TAFA5: variants seen among roughly 807,000 people sequenced by gnomAD.
TAFA5 encodes the protein TAFA chemokine like family member 5.
TAFA5 carries 6 observed loss-of-function variants against 15.3 expected under a neutral mutation model. That is an observed-to-expected ratio of 0.39 (90% confidence interval 0.21 to 0.77). TAFA5 has a LOEUF of 0.77. Ranked by LOEUF, TAFA5 falls within the 30% of genes least tolerant of loss-of-function variation. The pLI is 0.41. For missense variants in TAFA5, 161 were observed against 193.1 expected, an observed-to-expected ratio of 0.83 and a Z score of 0.98; for synonymous variants, 103 against 80.7, an observed-to-expected ratio of 1.28 and a Z score of -1.48.
intron 1 of TAFA5, among the ~76,000 whole-genome samples, chr22:48,586,314 G>A (rs187328495): frequency 2.0e-4 from 30 of 152,382 alleles, no homozygotes; most frequent in African/African-American, 5.3e-4. Context: ...TGCATCACCC[G>A]TCTTGCAGGT....
chr22:48,563,741 C>T (rs1004247902), intron 1 of TAFA5, among the ~76,000 whole-genome samples: 21 of 152,322 alleles, frequency 1.4e-4, no homozygotes, highest in Admixed American at 3.9e-4. Context: ...ATCGGGAGCT[C>T]GGGCTCCTGG....
chr22:48,721,909 G>A (rs562755856), intron 3 of TAFA5, among the ~76,000 whole-genome samples: 17 of 152,236 alleles, frequency 1.1e-4, no homozygotes, highest in East Asian at 7.7e-4. Flanking sequence ...CCTAGGAGGC[G>A]GAGGCTGCAG....
intron 1 of TAFA5, among the ~76,000 whole-genome samples, chr22:48,645,955 C>T (rs937159456): frequency 2.7e-5 from 4 of 150,252 alleles, no homozygotes; most frequent in Admixed American, 6.7e-5. Context: ...CGTACATGCA[C>T]ATATGTGTGT....
rs549701882 is a variant in TAFA5 at position 48,645,813 on chromosome 22, G to GGA, written c.113-784_113-783insGA. ...GTCCTCATGTGCTGCTGGTGAGCCT[G>GGA]AGACCCCTGGCCTTAGTGTGCTCAC... On this transcript the variant is annotated intron_variant, in intron 1 of 3. Transcript: ENST00000402357. Among the ~76,000 whole-genome samples the GGA allele has an allele frequency of 3.3e-5, 5 of 152,286 alleles. No individual in the cohort carries two copies. The South Asian group carries it at 1.0e-3, about 32-fold the overall frequency.
intron 1 of TAFA5, among the ~76,000 whole-genome samples, chr22:48,511,465 G>C (rs2147101594): frequency 6.6e-6 from 1 of 152,328 alleles, no homozygotes; most frequent in South Asian, 2.1e-4. Context: ...ATAAGGACAG[G>C]AGCACATTCC....
intron 1 of TAFA5, among the ~76,000 whole-genome samples, chr22:48,580,774 CGAGCTTG>C (rs1924008332): frequency 6.6e-6 from 1 of 152,206 alleles, no homozygotes; most frequent in African/African-American, 2.4e-5. Context: ...CGCCAGGCTC[CGAGCTTG>C]GAGCTGGCTG....
At chr22:48,576,004 C>G (rs1923769454) in intron 1 of TAFA5, among the ~76,000 whole-genome samples, 1 of 137,600 alleles carries the variant, frequency 7.3e-6, no homozygotes, top group Non-Finnish European at 1.6e-5. Context: ...GCGGTGGGGG[C>G]CGACAGGCGG....
intron 3 of TAFA5, among the ~76,000 whole-genome samples, chr22:48,720,005 T>A (rs1375356833): frequency 6.6e-6 from 1 of 152,214 alleles, no homozygotes; most frequent in Non-Finnish European, 1.5e-5. Context: ...GGGCGCCATT[T>A]ACAGTAATTG....
chr22:48,513,280 T>C (rs901633938), intron 1 of TAFA5, among the ~76,000 whole-genome samples: 7 of 152,336 alleles, frequency 4.6e-5, no homozygotes, highest in Admixed American at 3.3e-4. Flanking sequence ...TGGAGTAACA[T>C]TGCTTCCTTC....
At position 48,690,554 on chromosome 22, in the gene TAFA5, A is replaced by G. The variant is rs373800799; in HGVS notation, c.263-17163A>G. Among the ~76,000 whole-genome samples, 871 of 152,234 alleles carry G rather than the reference A, an allele frequency of 5.7e-3. 5 individuals are homozygous for G. Among genetic ancestry groups the G allele is most frequent in the Non-Finnish European group, 8.7e-3 (591 of 67,996 alleles). On this transcript the variant is annotated intron_variant, in intron 2 of 3. Coordinates refer to ENST00000402357, the MANE Select transcript of TAFA5 (RefSeq NM_001082967.3). ...CCATCGCCAGGGCCAGGGCCCCTGCATCCTCCTGCAGGCCCTTCCTGCCTG... is the reference window on the plus strand; with the variant it reads ...CCATCGCCAGGGCCAGGGCCCCTGCGTCCTCCTGCAGGCCCTTCCTGCCTG...
intron 1 of TAFA5, among the ~76,000 whole-genome samples, chr22:48,541,112 C>G (rs1277419093): frequency 6.6e-6 from 1 of 152,144 alleles, no homozygotes; most frequent in African/African-American, 2.4e-5. Flanking sequence ...AACGGCAGCA[C>G]TTCTCAAGAC....
chr22:48,721,433 G>A (rs1042217641), intron 3 of TAFA5, among the ~76,000 whole-genome samples: 7 of 152,332 alleles, frequency 4.6e-5, no homozygotes, highest in Admixed American at 1.3e-4. Flanking sequence ...CACCAGAGCC[G>A]TTGGAACCGG....
At chr22:48,707,164 A>T (rs1023549376) in intron 2 of TAFA5, among the ~76,000 whole-genome samples, 37 of 151,232 alleles carry the variant, frequency 2.4e-4, no homozygotes, top group African/African-American at 8.2e-4. Context: ...TCTGCAGATG[A>T]GACGAGGCGG....
chr22:48,718,759 G>A (rs533052347), intron 3 of TAFA5, among the ~76,000 whole-genome samples: 2 of 151,318 alleles, frequency 1.3e-5, no homozygotes, highest in South Asian at 2.1e-4. Flanking sequence ...TTCCACCCCC[G>A]CCCCCCAACC....
At chr22:48,724,370 G>A (rs914042119) in intron 3 of TAFA5, among the ~76,000 whole-genome samples, 6 of 152,160 alleles carry the variant, frequency 3.9e-5, no homozygotes, top group Non-Finnish European at 7.4e-5. Flanking sequence ...GATGAGTGGG[G>A]GATTGCAGCT....
chr22:48,675,919 A>T (rs132216), intron 2 of TAFA5, among the ~76,000 whole-genome samples: 2 of 152,238 alleles, frequency 1.3e-5, no homozygotes, highest in African/African-American at 4.8e-5. Flanking sequence ...CCTGACGCCC[A>T]GGCACAGGTG....
chr22:48,530,282 A>G lies in TAFA5; in HGVS notation c.112+40578A>G, dbSNP rs547221501. 2.6e-5 allele frequency among the ~76,000 whole-genome samples: 4 copies of G among 152,284 alleles called. No individual in the cohort carries two copies. The East Asian group carries it at 5.8e-4, about 22-fold the overall frequency. ...ATGGTCGTCTGACAAATGGGGCATC[A>G]GGAGTCTTGGTGCTGCCTGTCCCTG... On this transcript the variant is annotated intron_variant, in intron 1 of 3. Coordinates refer to ENST00000402357, the MANE Select transcript of TAFA5 (RefSeq NM_001082967.3). This position sits in a 1 kb window ranked among gnomAD's most constrained non-coding sequence, Gnocchi z 6.0.
At chr22:48,539,530 A>C (rs1443040979) in intron 1 of TAFA5, 1 of 466,524 alleles carries the variant, frequency 2.1e-6, no homozygotes, top group Non-Finnish European at 4.4e-6. Flanking sequence ...TTGTCACTGC[A>C]ACTTTTCTCT....
chr22:48,589,589 A>T (rs1924486127), intron 1 of TAFA5, among the ~76,000 whole-genome samples: 1 of 152,206 alleles, frequency 6.6e-6, no homozygotes, highest in Admixed American at 6.5e-5. Flanking sequence ...TCATTTGGAA[A>T]AAGGGCCTTT....
Sources: gnomAD v4.1 joint callset for allele counts (sites outside exome capture counted in the v4.1 genomes callset) on GRCh38, gnomAD v4.1.1 for gene constraint, Gnocchi (gnomAD v3.1) non-coding constraint, MANE v1.5 for transcripts, NCBI Gene and HGNC (gene_info 2026-07-23, HGNC 2026-07-21) for gene names.